Variants in PLEKHA6 observed in about 807,000 individuals in gnomAD.
The protein encoded by PLEKHA6 is pleckstrin homology domain containing A6, also known as pleckstrin homology domain-containing family A member 6.
Under a neutral mutation model 116.7 loss-of-function variants are expected in PLEKHA6, and 60 were observed. The ratio of observed to expected loss-of-function variants is 0.51; its 90% CI spans 0.42 to 0.64. The LOEUF (loss-of-function observed/expected upper bound fraction) is 0.64. Among genes scored for constraint, PLEKHA6 ranks in the 30% least tolerant of loss-of-function variants. The pLI, the probability that PLEKHA6 is intolerant of heterozygous loss-of-function variation, is 0.00. For synonymous variants in PLEKHA6, 489 were observed against 556.1 expected, an observed-to-expected ratio of 0.88 and a Z score of 1.70; for missense variants, 1,338 against 1,422.7, an observed-to-expected ratio of 0.94 and a Z score of 0.96.
chr1:204,322,411 C>G (rs1332795363), intron 1 of PLEKHA6, among the ~76,000 whole-genome samples: 1 of 152,214 alleles, frequency 6.6e-6, no homozygotes, highest in Non-Finnish European at 1.5e-5. Flanking sequence ...CCCTTGCTTT[C>G]CACCGCAACA....
Position 204,228,219 on chromosome 1 carries a change from G to A in PLEKHA6, c.2895C>T (p.Asn965=), listed in dbSNP as rs139252016. The A allele has an allele frequency of 6.4e-5, 102 of 1,604,806 alleles. No individual in the cohort carries two copies. Among genetic ancestry groups the A allele is most frequent in the South Asian group, 3.8e-4 (34 of 89,928 alleles). ...AGTCCCCCTCGCCGATGGGCACCAC[G>A]TTCTGCATACTGAAGAGGCACAGAC... ...KTLIAKSSMQ[N]VVPIGEGDSV... The change falls in exon 21 of 23, where the codon AAC becomes AAT. Residue 965 remains asparagine, a synonymous_variant. Transcript: ENST00000272203. The surrounding 1 kb of genome is among the most constrained non-coding windows in gnomAD (Gnocchi z 4.0).
intron 1 of PLEKHA6, among the ~76,000 whole-genome samples, chr1:204,332,999 C>G (rs528605075): frequency 6.6e-6 from 1 of 152,340 alleles, no homozygotes; most frequent in East Asian, 1.9e-4. Context: ...TCCTGCCCCA[C>G]CTAGGGAGGA....
intron 9 of PLEKHA6, among the ~76,000 whole-genome samples, chr1:204,253,608 T>C (rs1664856481): frequency 6.6e-6 from 1 of 151,994 alleles, no homozygotes; most frequent in African/African-American, 2.4e-5. Flanking sequence ...GAGGATCACT[T>C]GAGGCTGGGA....
intron 1 of PLEKHA6, among the ~76,000 whole-genome samples, chr1:204,299,184 T>C (rs1431107618): frequency 6.6e-6 from 1 of 152,182 alleles, no homozygotes; most frequent in East Asian, 1.9e-4. Flanking sequence ...ACAAGATAAT[T>C]TCCAGAGGAC....
At chr1:204,224,186 G>A (rs551534996) in intron 21 of PLEKHA6, among the ~76,000 whole-genome samples, 6 of 151,960 alleles carry the variant, frequency 3.9e-5, no homozygotes, top group Non-Finnish European at 5.9e-5. Context: ...GGCAAACTTC[G>A]GTCCACCCCT....
Position 204,259,224 on chromosome 1 carries a change from T to C in PLEKHA6, c.1007+34A>G, listed in dbSNP as rs763973929. On this transcript the variant is annotated intron_variant, in intron 8 of 22. Transcript: ENST00000272203. This position sits in a 1 kb window ranked among gnomAD's most constrained non-coding sequence, Gnocchi z 4.6. ...CTCGCACGCTCTAGCCATAATACCATATCAGCCCCACCCCAGCCGCCGGCA... is the reference window on the plus strand; with the variant it reads ...CTCGCACGCTCTAGCCATAATACCACATCAGCCCCACCCCAGCCGCCGGCA... 4.4e-6 allele frequency: 7 copies of C among 1,603,194 alleles called. No individual in the cohort carries two copies. Among genetic ancestry groups the C allele is most frequent in the South Asian group, 2.2e-5 (2 of 89,574 alleles).
At chr1:204,368,212 A>T (rs1673706048) in intron 2 of PLEKHA6, among the ~76,000 whole-genome samples, 1 of 152,148 alleles carries the variant, frequency 6.6e-6, no homozygotes. Flanking sequence ...TACAACAGTG[A>T]ACACACAGAT....
In PLEKHA6 at chr1:204,248,799, C is replaced by T. The variant is rs773305148; in HGVS notation, c.1824+22G>A. Reference sequence around the variant, plus strand: ...CCTAGTGCTGATGAGGTGGGGTGCACGAACCCCGCTCCCTGGGTTACCGTG... The same window carrying T: ...CCTAGTGCTGATGAGGTGGGGTGCATGAACCCCGCTCCCTGGGTTACCGTG... On this transcript the variant is annotated intron_variant, in intron 12 of 22. Coordinates refer to ENST00000272203, the MANE Select transcript of PLEKHA6 (RefSeq NM_014935.5). 132 of 1,608,620 alleles carry T rather than the reference C, an allele frequency of 8.2e-5. 1 individual carries two copies. The highest frequency in any genetic ancestry group is 3.8e-4 in the East Asian group (17 of 44,858).
intron 21 of PLEKHA6, among the ~76,000 whole-genome samples, chr1:204,226,364 G>T (rs1262580777): frequency 6.6e-6 from 1 of 152,202 alleles, no homozygotes; most frequent in Non-Finnish European, 1.5e-5. Context: ...GGTGGGTTTT[G>T]TTTTCATGGG....
chr1:204,319,524 G>A (rs1671980662), intron 1 of PLEKHA6, among the ~76,000 whole-genome samples: 1 of 152,168 alleles, frequency 6.6e-6, no homozygotes, highest in Non-Finnish European at 1.5e-5. Context: ...GCTTCTTTTA[G>A]AGCTAGTAGG....
intron 9 of PLEKHA6, among the ~76,000 whole-genome samples, chr1:204,251,854 A>T (rs1408183168): frequency 8.5e-5 from 13 of 152,194 alleles, no homozygotes; most frequent in Non-Finnish European, 1.8e-4. Flanking sequence ...GGCACTGCAG[A>T]GGCTGGGGCC....
chr1:204,352,200 C>T (rs919953506), intron 1 of PLEKHA6, among the ~76,000 whole-genome samples: 1 of 151,784 alleles, frequency 6.6e-6, no homozygotes, highest in Admixed American at 6.6e-5. Flanking sequence ...ATGGTGAAAC[C>T]CCATCTCTAC....
At chr1:204,265,394 C>T (rs1666676169) in intron 5 of PLEKHA6, among the ~76,000 whole-genome samples, 1 of 152,180 alleles carries the variant, frequency 6.6e-6, no homozygotes, top group Admixed American at 6.5e-5. Flanking sequence ...AGTGAAATGC[C>T]TTCATGGATT....
At chr1:204,314,948 CAT>C (rs1310166789) in intron 1 of PLEKHA6, among the ~76,000 whole-genome samples, 4 of 152,122 alleles carry the variant, frequency 2.6e-5, no homozygotes, top group Admixed American at 2.0e-4. Context: ...TCGGTGCCCT[CAT>C]GTGATCCAGA....
At chr1:204,377,048 C>T (rs1469440856) in intron 1 of PLEKHA6, among the ~76,000 whole-genome samples, 2 of 152,188 alleles carry the variant, frequency 1.3e-5, no homozygotes, top group Admixed American at 1.3e-4. Context: ...TGGGCATCGT[C>T]CCCCTCCCTC....
At chr1:204,307,372 G>T (rs187039980) in intron 1 of PLEKHA6, 2 of 152,320 alleles carry the variant, frequency 1.3e-5, no homozygotes, top group African/African-American at 4.8e-5. Context: ...GCTGGGAGAC[G>T]CAGACTGCCG....
At position 204,244,957 on chromosome 1, in the gene PLEKHA6, G is replaced by A; in HGVS notation, c.2079C>T (p.Ser693=). The part of the protein sequence containing the change: ...SATYSSNSPA[S]PLSSASLTSP... Reference sequence around the variant, plus strand: ...TGGTGAGGCTGGCAGAGCTGAGGGGGCTGGCCGGGCTGTTGGAGCTGTAGG... The same window carrying A: ...TGGTGAGGCTGGCAGAGCTGAGGGGACTGGCCGGGCTGTTGGAGCTGTAGG... Residue 693 remains serine (S), a synonymous_variant, in exon 15 of 23, where the codon AGC becomes AGT. Coordinates refer to ENST00000272203, the MANE Select transcript of PLEKHA6 (RefSeq NM_014935.5). 1 of 1,469,070 alleles carries A rather than the reference G, an allele frequency of 6.8e-7. No individual in the cohort carries two copies. The highest frequency in any genetic ancestry group is 9.0e-7 in the Non-Finnish European group (1 of 1,107,520). The allele number at this position is 1,469,070 out of a possible 1,614,324, so 91.0% of individuals were successfully genotyped here.
intron 1 of PLEKHA6, among the ~76,000 whole-genome samples, chr1:204,340,176 G>T (rs1259442684): frequency 6.6e-6 from 1 of 152,180 alleles, no homozygotes; most frequent in Admixed American, 6.5e-5. Flanking sequence ...AGGGAAGGGT[G>T]GACTGGATGA....
chr1:204,325,930 T>C, intron 1 of PLEKHA6: 1 of 984,658 alleles, frequency 1.0e-6, no homozygotes, highest in African/African-American at 1.7e-5. Flanking sequence ...TGGGCTGCCA[T>C]TAACATATAG....
Sources: gnomAD v4.1 joint callset for allele counts (sites outside exome capture counted in the v4.1 genomes callset) on GRCh38, gnomAD v4.1.1 for gene constraint, Gnocchi (gnomAD v3.1) non-coding constraint, MANE v1.5 for transcripts, NCBI Gene and HGNC (gene_info 2026-07-23, HGNC 2026-07-21) for gene names.